The following LINGO1 variants were observed in gnomAD, a reference collection of about 807,000 sequenced individuals.
LINGO1 encodes leucine rich repeat and Ig domain containing 1, also known as leucine-rich repeat and immunoglobulin-like domain-containing nogo receptor-interacting protein 1.
Under a neutral mutation model 37.3 loss-of-function variants are expected in LINGO1, and 11 were observed. The ratio of observed to expected loss-of-function variants is 0.29; its 90% CI spans 0.19 to 0.49. LINGO1 has a LOEUF of 0.49. Ranked by LOEUF, LINGO1 falls within the 20% of genes least tolerant of loss-of-function variation. The probability of loss-of-function intolerance (pLI) is 0.99; values close to 1 mark genes in which losing one functional copy is unlikely to be tolerated. For synonymous variants in LINGO1, 387 were observed against 403.0 expected (o/e 0.96, Z 0.48); for missense variants, 585 against 878.2 (o/e 0.67, Z 4.22).
intron 1 of LINGO1, among the ~76,000 whole-genome samples, chr15:77,775,867 C>T (rs1054798401): frequency 2.0e-5 from 3 of 152,168 alleles, no homozygotes; most frequent in Non-Finnish European, 4.4e-5. Flanking sequence ...GCAGCGGGCA[C>T]CCCACTGCCC....
At chr15:77,675,237 T>G (rs2075309313) in intron 3 of LINGO1, among the ~76,000 whole-genome samples, 1 of 152,198 alleles carries the variant, frequency 6.6e-6, no homozygotes, top group Non-Finnish European at 1.5e-5. Flanking sequence ...AAATCAAATG[T>G]GGAAATGTGG....
At chr15:77,619,895 A>C (rs756244063) in intron 1 of LINGO1, among the ~76,000 whole-genome samples, 2 of 152,182 alleles carry the variant, frequency 1.3e-5, no homozygotes, top group Non-Finnish European at 2.9e-5. Flanking sequence ...GCCTCATCTC[A>C]TGCCTCTTAC....
At chr15:77,664,640 A>G (rs2075090825) in intron 3 of LINGO1, among the ~76,000 whole-genome samples, 1 of 152,178 alleles carries the variant, frequency 6.6e-6, no homozygotes, top group Non-Finnish European at 1.5e-5. Context: ...GGCTCCTCCC[A>G]GCCTGAGCTG....
At position 77,781,161 on chromosome 15, in the gene LINGO1, T is replaced by A. The variant is rs1012894506; in HGVS notation, c.-257+5708A>T. On this transcript the variant is annotated intron_variant, in intron 1 of 3. Transcript: ENST00000561686. ...AGCACAGGGACAGTCCCCAGATTGA[T>A]GGAACTTTTCATCTTGCGTAAAGTC... Among the ~76,000 whole-genome samples the A allele has an allele frequency of 2.6e-5, 4 of 152,356 alleles. No individual in the cohort carries two copies. The South Asian group carries it at 8.3e-4, about 32-fold the overall frequency.
At chr15:77,734,708 C>T (rs191520982) in intron 2 of LINGO1, among the ~76,000 whole-genome samples, 1 of 152,096 alleles carries the variant, frequency 6.6e-6, no homozygotes, top group East Asian at 1.9e-4. Flanking sequence ...TCCCCAGGGC[C>T]CCAGCGGTTG....
chr15:77,718,486 G>A (rs183205850), intron 2 of LINGO1, among the ~76,000 whole-genome samples: 2 of 150,860 alleles, frequency 1.3e-5, no homozygotes, highest in African/African-American at 4.8e-5. Flanking sequence ...CCACACACAT[G>A]TATGTATTGC....
At position 77,613,933 on chromosome 15, in the gene LINGO1, AC is replaced by A. The variant is rs1371368527; in HGVS notation, c.*110del. 1.7e-5 allele frequency: 15 copies of A among 866,374 alleles called. No homozygotes were observed. The highest frequency in any genetic ancestry group is 1.3e-4 in the East Asian group (5 of 37,410). 53.7% of individuals were successfully genotyped at this position (866,374 alleles called of 1,614,324 possible). On this transcript the variant is annotated 3_prime_UTR_variant, in exon 2 of 2. Transcript: ENST00000355300. The stretch of plus-strand genomic sequence containing the variant: ...GACGGAGGCGGGAGGGAGAAAGAGA[AC>A]GTGTGTAGAAGGGTAGGGAGGAGGT...
intron 3 of LINGO1, among the ~76,000 whole-genome samples, chr15:77,672,226 C>CGG (rs541258945): frequency 6.6e-6 from 1 of 151,410 alleles, no homozygotes; most frequent in South Asian, 2.1e-4. Flanking sequence ...CTCTCAAGCC[C>CGG]GGGGGGAAGC....
At chr15:77,633,236 C>G (rs2141084874), upstream of LINGO1, among the ~76,000 whole-genome samples, 1 of 152,088 alleles carries the variant, frequency 6.6e-6, no homozygotes. Flanking sequence ...GGGAGTCCGG[C>G]GTGCGGTCCT....
At chr15:77,736,382 T>C (rs1185164362) in intron 1 of LINGO1, among the ~76,000 whole-genome samples, 3 of 152,234 alleles carry the variant, frequency 2.0e-5, no homozygotes, top group African/African-American at 7.2e-5. Context: ...TGCCAGACCC[T>C]GGGCTGAGTG....
At chr15:77,740,083 A>G (rs1187839281) in intron 1 of LINGO1, among the ~76,000 whole-genome samples, 2 of 152,234 alleles carry the variant, frequency 1.3e-5, no homozygotes, top group African/African-American at 4.8e-5. Flanking sequence ...TCATTAATCA[A>G]TGGCCACACT....
Position 77,772,931 on chromosome 15 carries a change from A to G in LINGO1, c.-257+13938T>C, listed in dbSNP as rs116069870. 5.0e-3 allele frequency among the ~76,000 whole-genome samples: 766 copies of G among 152,196 alleles called. 6 individuals carry two copies. The highest frequency in any genetic ancestry group is 0.017 in the African/African-American group (704 of 41,526). ...GCTCTGGGGACTGGGAGGCCAGGGG[A>G]GTGGGCTTCAGTCTCTCCCTCCCCT... On this transcript the variant is annotated intron_variant, in intron 1 of 3. Coordinates refer to the LINGO1 transcript ENST00000561686.
At chr15:77,817,705 A>G (rs184253746) in intron 1 of LINGO1, among the ~76,000 whole-genome samples, 3 of 152,328 alleles carry the variant, frequency 2.0e-5, no homozygotes, top group Non-Finnish European at 4.4e-5. Flanking sequence ...TGCCAGGTCA[A>G]TAAAGAAGGC....
Position 77,615,445 on chromosome 15 carries a change from C to T in LINGO1, c.462G>A (p.Lys154=). The T allele has an allele frequency of 6.2e-7, 1 of 1,614,068 alleles. No individual in the cohort carries two copies. ...ACATGTAGTCCAGTAGGATAACGAT[C>T]TTGTTCTCGCTGATGTCCAGCTTGG... ...NLTKLDISEN[K]IVILLDYMFQ... is the part of the protein sequence containing the mutation. Residue 154 remains lysine (K), a synonymous_variant, in exon 2 of 2, where the codon AAG becomes AAA. Coordinates refer to ENST00000355300, the MANE Select transcript of LINGO1 (RefSeq NM_032808.7).
At chr15:77,776,882 G>A (rs1239011581) in intron 1 of LINGO1, among the ~76,000 whole-genome samples, 2 of 152,114 alleles carry the variant, frequency 1.3e-5, no homozygotes, top group Non-Finnish European at 2.9e-5. Context: ...TCATTTTATA[G>A]ACACGACACT....
At chr15:77,715,619 A>G (rs2141300852) in intron 2 of LINGO1, among the ~76,000 whole-genome samples, 1 of 152,336 alleles carries the variant, frequency 6.6e-6, no homozygotes, top group Middle Eastern at 3.4e-3. Flanking sequence ...CAGTTTCCAC[A>G]AAGAAATAAT....
intron 3 of LINGO1, among the ~76,000 whole-genome samples, chr15:77,657,339 G>A (rs2074887368): frequency 6.6e-6 from 1 of 152,028 alleles, no homozygotes; most frequent in Non-Finnish European, 1.5e-5. Context: ...TGAGGGGCCG[G>A]GGGTGGGGGA....
At chr15:77,791,771 C>T (rs150662892), upstream of LINGO1, among the ~76,000 whole-genome samples, 97 of 152,218 alleles carry the variant, frequency 6.4e-4, no homozygotes, top group East Asian at 0.017. Context: ...CTCACACTTC[C>T]TGCTGACAGC....
chr15:77,618,840 C>CAGATAT (rs2073828117), intron 1 of LINGO1, among the ~76,000 whole-genome samples: 6 of 10 alleles, frequency 0.6, 3 homozygotes, highest in Non-Finnish European at 1. Context: ...CGTGATCCGC[C>CAGATAT]CGCCTCGGCC....
Sources: gnomAD v4.1 joint callset for allele counts (sites outside exome capture counted in the v4.1 genomes callset) on GRCh38, gnomAD v4.1.1 for gene constraint, MANE v1.5 for transcripts, NCBI Gene and HGNC (gene_info 2026-07-23, HGNC 2026-07-21) for gene names.